The following ATF7 variants were observed in gnomAD, a reference collection of about 807,000 sequenced individuals.
The protein encoded by ATF7 is cyclic AMP-dependent transcription factor ATF-7.
A neutral mutation model predicts 50.4 loss-of-function variants in ATF7; 10 were observed. That is an observed-to-expected ratio of 0.20 (90% CI 0.12 to 0.34). The LOEUF is 0.34. Ranked by LOEUF, ATF7 falls within the 10% of genes least tolerant of loss-of-function variation. The pLI, the probability that ATF7 is intolerant of heterozygous loss-of-function variation, is 1.00. For synonymous variants in ATF7, 201 were observed against 226.4 expected (o/e 0.89, Z 1.01); for missense variants, 465 against 613.9 (o/e 0.76, Z 2.56).
At chr12:53,550,956 T>C (rs536210032) in intron 3 of ATF7, among the ~76,000 whole-genome samples, 6 of 152,342 alleles carry the variant, frequency 3.9e-5, no homozygotes, top group Admixed American at 2.0e-4. Context: ...TCTCCAACTT[T>C]ATAACCTTGC....
intron 2 of ATF7, 113 bp downstream of exon 2, chr12:53,600,840 G>A: frequency 2.0e-6 from 2 of 1,022,452 alleles, no homozygotes; most frequent in Admixed American, 4.3e-5. Context: ...CCTCTGATCT[G>A]ATTACCTCCA....
intron 3 of ATF7, among the ~76,000 whole-genome samples, chr12:53,545,724 G>A (rs1939861448): frequency 6.6e-6 from 1 of 152,152 alleles, no homozygotes; most frequent in African/African-American, 2.4e-5. Context: ...TTGGGGGAGG[G>A]GAGGGATAGG....
chr12:53,587,091 G>A (rs1942717599), intron 2 of ATF7, among the ~76,000 whole-genome samples: 1 of 152,286 alleles, frequency 6.6e-6, no homozygotes, highest in South Asian at 2.1e-4. Context: ...AATGTGCTGG[G>A]CACGGTGGCT....
chr12:53,528,076 T>C (rs180875443), intron 9 of ATF7, among the ~76,000 whole-genome samples: 1,654 of 151,710 alleles, frequency 0.011, 30 homozygotes, highest in African/African-American at 0.037. Flanking sequence ...CTCCTAACCT[T>C]GGGATCCACC....
At chr12:53,610,263 C>A (rs1178633920) in intron 1 of ATF7, among the ~76,000 whole-genome samples, 1 of 151,932 alleles carries the variant, frequency 6.6e-6, no homozygotes, top group Non-Finnish European at 1.5e-5. Flanking sequence ...CTCATACATT[C>A]CAAACGAGAT....
chr12:53,619,486 CAAA>C (rs112474373), intron 1 of ATF7, among the ~76,000 whole-genome samples: 8 of 64,050 alleles, frequency 1.2e-4, no homozygotes, highest in Non-Finnish European at 1.3e-4. Flanking sequence ...GACTCCGTGT[CAAA>C]AAAAAAAAAA....
At chr12:53,574,487 C>T (rs17100520) in intron 2 of ATF7, 1,676 of 152,698 alleles carry the variant, frequency 0.011, 75 homozygotes, top group Admixed American at 0.072. Context: ...AAGATCAAAG[C>T]CAGAAATCCA....
chr12:53,566,536 G>A (rs1347500070), intron 2 of ATF7, among the ~76,000 whole-genome samples: 2 of 152,148 alleles, frequency 1.3e-5, no homozygotes, highest in Admixed American at 6.5e-5. Flanking sequence ...CTTATAAAAG[G>A]GAAAGCCAGA....
Position 53,512,145 on chromosome 12 carries a change from G to A in ATF7, c.*4992C>T, listed in dbSNP as rs1265071985. 1 of 152,204 alleles carries A rather than the reference G, an allele frequency of 6.6e-6. No homozygotes were observed. Among genetic ancestry groups the A allele is most frequent in the Non-Finnish European group, 1.5e-5 (1 of 68,050 alleles). 9.4% of individuals were successfully genotyped at this position (152,204 alleles called of 1,614,324 possible). On this transcript the variant is annotated 3_prime_UTR_variant, in exon 12 of 12. Coordinates refer to ENST00000420353, the MANE Select transcript of ATF7 (RefSeq NM_006856.3). ...AGGGAGGGAGGGAGAAGGCATAGCT[G>A]GGGGGATAACTGCTAAGTGGCAAGG...
chr12:53,542,151 C>T (rs185796365), intron 4 of ATF7, among the ~76,000 whole-genome samples: 306 of 132,492 alleles, frequency 2.3e-3, no homozygotes, highest in East Asian at 4.0e-3. Context: ...CCGGGCCAGG[C>T]GTGGTGGTTT....
At chr12:53,554,169 C>T (rs1387142796) in intron 2 of ATF7, among the ~76,000 whole-genome samples, 5 of 152,252 alleles carry the variant, frequency 3.3e-5, no homozygotes, top group South Asian at 2.1e-4. Flanking sequence ...CTTGCTCTGT[C>T]GCCCAGGCTG....
chr12:53,540,946 G>C (rs1406421369), intron 4 of ATF7, among the ~76,000 whole-genome samples: 1 of 152,040 alleles, frequency 6.6e-6, no homozygotes, highest in African/African-American at 2.4e-5. Context: ...GCTCAGGCTG[G>C]TCTCGAGCTC....
intron 2 of ATF7, among the ~76,000 whole-genome samples, chr12:53,591,088 T>C (rs373772643): frequency 6.6e-6 from 1 of 152,236 alleles, no homozygotes; most frequent in Admixed American, 6.5e-5. Context: ...TGATGCAAGA[T>C]GTTAACAATA....
At chr12:53,566,557 T>C (rs913631573) in intron 2 of ATF7, among the ~76,000 whole-genome samples, 6 of 152,048 alleles carry the variant, frequency 3.9e-5, no homozygotes, top group Non-Finnish European at 8.8e-5. Flanking sequence ...ACAAGAGAGT[T>C]CCTGATGCTA....
chr12:53,577,644 A>G (rs1942157951), intron 2 of ATF7, among the ~76,000 whole-genome samples: 1 of 149,264 alleles, frequency 6.7e-6, no homozygotes, highest in Admixed American at 6.7e-5. Flanking sequence ...TGAACCCGGG[A>G]GGCGGAGCTT....
In ATF7 at chr12:53,543,818, A is replaced by G. The variant is rs948742250; in HGVS notation, c.146-370T>C. ...TTTGAAAACCAAGTATAGTTAAGCAATATTTTCTTTCGTAAATTTACTCCC... is the reference window on the plus strand; with the variant it reads ...TTTGAAAACCAAGTATAGTTAAGCAGTATTTTCTTTCGTAAATTTACTCCC... On this transcript the variant is annotated intron_variant, in intron 3 of 11. Transcript: ENST00000420353. The G allele has an allele frequency of 9.6e-5, 18 of 186,854 alleles. No homozygotes were observed. The South Asian group carries it at 2.5e-3, about 26-fold the overall frequency. The allele number at this position is 186,854 out of a possible 1,614,324, so 11.6% of individuals were successfully genotyped here. A position where few individuals can be genotyped will look rare whatever the true frequency, so the allele number is the denominator to read the frequency against.
At chr12:53,529,382 T>A (rs1380452595) in intron 9 of ATF7, among the ~76,000 whole-genome samples, 1 of 151,672 alleles carries the variant, frequency 6.6e-6, no homozygotes, top group East Asian at 1.9e-4. Flanking sequence ...GTATTTTTTT[T>A]AGTAGAGATG....
chr12:53,540,009 G>T (rs953637437), intron 4 of ATF7, among the ~76,000 whole-genome samples: 2 of 151,984 alleles, frequency 1.3e-5, no homozygotes, highest in African/African-American at 4.8e-5. Context: ...GTTTGAGGTT[G>T]CAAGCACCAT....
At chr12:53,609,113 T>C (rs1943735193) in intron 1 of ATF7, among the ~76,000 whole-genome samples, 1 of 151,774 alleles carries the variant, frequency 6.6e-6, no homozygotes, top group African/African-American at 2.4e-5. Context: ...AAGACCAGTC[T>C]AGCCAACAAA....
Sources: allele counts gnomAD v4.1 joint callset (sites outside exome capture counted in the v4.1 genomes callset), GRCh38; gene constraint gnomAD v4.1.1; transcripts MANE v1.5; gene names NCBI Gene and HGNC (gene_info 2026-07-23, HGNC 2026-07-21).